Variants in PHKB observed in about 807,000 individuals in gnomAD.
The protein encoded by PHKB is phosphorylase kinase regulatory subunit beta, also known as phosphorylase b kinase regulatory subunit beta.
A neutral mutation model predicts 152.1 loss-of-function variants in PHKB; 122 were observed. The observed-to-expected ratio is 0.80, with a 90% CI of 0.69 to 0.93. The LOEUF is 0.93. Among genes scored for constraint, PHKB ranks in the 40% least tolerant of loss-of-function variants. The pLI is 0.00. For missense variants in PHKB, 1,304 were observed against 1,328.4 expected (o/e 0.98, Z 0.29); for synonymous variants, 436 against 464.9 (o/e 0.94, Z 0.80).
chr16:47,661,262 C>T (rs1973438738), intron 22 of PHKB, among the ~76,000 whole-genome samples: 1 of 152,076 alleles, frequency 6.6e-6, no homozygotes, highest in Non-Finnish European at 1.5e-5. Context: ...ATGTAATAAA[C>T]ACTCTAAACA....
At chr16:47,575,905 T>C (rs543934480) in intron 7 of PHKB, among the ~76,000 whole-genome samples, 79 of 152,144 alleles carry the variant, frequency 5.2e-4, no homozygotes, top group African/African-American at 1.9e-3. Flanking sequence ...GAAGAAACCC[T>C]GTCTCTACTA....
intron 7 of PHKB, 120 bp downstream of exon 7, chr16:47,547,668 T>G: frequency 1.5e-6 from 1 of 686,526 alleles, no homozygotes; most frequent in East Asian, 2.8e-5. Flanking sequence ...GCAATTTTTT[T>G]CTACCTATGA....
chr16:47,502,930 A>G (rs1970346482), intron 3 of PHKB, 61 bp from the exon 4 acceptor site: 1 of 1,057,092 alleles, frequency 9.5e-7, no homozygotes, highest in Non-Finnish European at 1.5e-6. Flanking sequence ...AATTATCAAA[A>G]GCTCTGCTTC....
At position 47,650,632 on chromosome 16, in the gene PHKB, T is replaced by C; in HGVS notation, c.1880+6T>C. 6.3e-7 allele frequency: 1 copy of C among 1,585,124 alleles called. No homozygotes were observed. The highest frequency in any genetic ancestry group is 8.7e-7 in the Non-Finnish European group (1 of 1,153,742). ...ATCCGGGAAGACAATATAAGGTAGG[T>C]TGATAAAAGAAGTAAGGTACGTGTG... On this transcript the variant is annotated splice_donor_region_variant and intron_variant, in intron 19 of 30. Coordinates refer to ENST00000323584, the MANE Select transcript of PHKB (RefSeq NM_000293.3).
intron 14 of PHKB, among the ~76,000 whole-genome samples, chr16:47,638,265 C>T (rs1391854912): frequency 6.6e-6 from 1 of 151,980 alleles, no homozygotes; most frequent in Non-Finnish European, 1.5e-5. Context: ...ATGGTGGAAG[C>T]CAATGGGATC....
In PHKB at chr16:47,693,415, A is replaced by G; in HGVS notation, c.2803A>G (p.Asn935Asp). The change falls in exon 28 of 31, where the codon AAT becomes GAT. Residue 935 changes from asparagine (N) to aspartate (D), a missense_variant. Asn to Asp is a conservative substitution (Grantham distance 23). Coordinates refer to ENST00000323584, the MANE Select transcript of PHKB (RefSeq NM_000293.3). ...CAGGCGTCAGATCGATGGGTCTTTG[A>G]ATAGAACTCCCACCGGGTTCTATGA... ...LNRRQIDGSL[N>D]RTPTGFYDRV... 1.2e-6 allele frequency: 2 copies of G among 1,613,860 alleles called. No individual in the cohort carries two copies. Among genetic ancestry groups the G allele is most frequent in the Non-Finnish European group, 1.7e-6 (2 of 1,179,830 alleles).
chr16:47,512,312 C>T (rs1232652056), intron 5 of PHKB, among the ~76,000 whole-genome samples: 1 of 152,042 alleles, frequency 6.6e-6, no homozygotes, highest in African/African-American at 2.4e-5. Flanking sequence ...ACATGAAATC[C>T]GAGTGAATTC....
chr16:47,669,488 A>T, intron 26 of PHKB, 71 bp downstream of exon 26: 1 of 1,349,398 alleles, frequency 7.4e-7, no homozygotes, highest in Middle Eastern at 1.8e-4. Context: ...CGGCCTCTCC[A>T]AGTGAAGCAA....
chr16:47,584,101 A>G (rs986729761), intron 8 of PHKB, among the ~76,000 whole-genome samples: 1 of 151,994 alleles, frequency 6.6e-6, no homozygotes, highest in Non-Finnish European at 1.5e-5. Flanking sequence ...CTATTTTCCA[A>G]ATTTATTTTT....
chr16:47,540,162 G>A (rs1197102312), intron 6 of PHKB, among the ~76,000 whole-genome samples: 3 of 152,064 alleles, frequency 2.0e-5, no homozygotes, highest in Non-Finnish European at 2.9e-5. Context: ...CTGTGGGAGT[G>A]TCTGTCTTAT....
chr16:47,642,616 T>A (rs1973044723), intron 16 of PHKB, among the ~76,000 whole-genome samples: 1 of 152,182 alleles, frequency 6.6e-6, no homozygotes, highest in Non-Finnish European at 1.5e-5. Flanking sequence ...AAAGTCTTGT[T>A]GCTATAACAG....
intron 14 of PHKB, among the ~76,000 whole-genome samples, chr16:47,625,210 A>G (rs1323122306): frequency 1.3e-5 from 2 of 152,240 alleles, no homozygotes; most frequent in Non-Finnish European, 2.9e-5. Flanking sequence ...TCATCTCTAT[A>G]TGGCAGCAAG....
chr16:47,691,237 T>C (rs1388635108), intron 27 of PHKB, among the ~76,000 whole-genome samples: 2 of 152,158 alleles, frequency 1.3e-5, no homozygotes, highest in Non-Finnish European at 2.9e-5. Context: ...AAGAAACTGC[T>C]AGAGGAGCCT....
rs115777990 is a variant in PHKB at position 47,492,824 on chromosome 16, C to T, written c.77-4575C>T. ...AAAAATAGATTTGGTTTGCATCTCACTCACCCTTTCTTAAGCCCCACGTTG... is the reference window on the plus strand; with the variant it reads ...AAAAATAGATTTGGTTTGCATCTCATTCACCCTTTCTTAAGCCCCACGTTG... On this transcript the variant is annotated intron_variant, in intron 1 of 30. Coordinates refer to ENST00000323584, the MANE Select transcript of PHKB (RefSeq NM_000293.3). 3.6e-3 allele frequency among the ~76,000 whole-genome samples: 553 copies of T among 152,320 alleles called. 5 individuals are homozygous for T. The highest frequency in any genetic ancestry group is 0.013 in the African/African-American group (522 of 41,580).
At chr16:47,617,767 G>A (rs1392786377) in intron 14 of PHKB, among the ~76,000 whole-genome samples, 2 of 152,186 alleles carry the variant, frequency 1.3e-5, no homozygotes, top group African/African-American at 2.4e-5. Context: ...TGACGGAAAT[G>A]TGATGGGAGT....
chr16:47,589,987 T>C (rs1326192898), intron 10 of PHKB, among the ~76,000 whole-genome samples: 1 of 152,162 alleles, frequency 6.6e-6, no homozygotes, highest in Non-Finnish European at 1.5e-5. Context: ...AGATGGGGTT[T>C]CACCATGTTG....
intron 6 of PHKB, among the ~76,000 whole-genome samples, chr16:47,530,132 C>CTTTTTT (rs201960518): frequency 3.1e-5 from 4 of 129,746 alleles, no homozygotes; most frequent in African/African-American, 8.4e-5. Flanking sequence ...ATATAAACTC[C>CTTTTTT]TTTTTTTTTT....
intron 7 of PHKB, among the ~76,000 whole-genome samples, chr16:47,550,549 C>A (rs1270255584): frequency 6.6e-6 from 1 of 152,206 alleles, no homozygotes; most frequent in Non-Finnish European, 1.5e-5. Flanking sequence ...AGAGAGAAAA[C>A]AGAGCATAAT....
rs1974033188 is a variant in PHKB at position 47,690,041 on chromosome 16, A to G, written c.2765+866A>G. 5.9e-5 allele frequency among the ~76,000 whole-genome samples: 9 copies of G among 152,238 alleles called. 1 individual carries two copies. The South Asian group carries it at 1.4e-3, about 24-fold the overall frequency. On this transcript the variant is annotated intron_variant, in intron 27 of 30. Transcript: ENST00000323584. ...GCCCTGCTAGACATTAAAACATACT[A>G]TAAAGCCTCTGTAATTAAAACAGTG...
Sources: gnomAD v4.1 joint callset for allele counts (sites outside exome capture counted in the v4.1 genomes callset) on GRCh38, gnomAD v4.1.1 for gene constraint, MANE v1.5 for transcripts, NCBI Gene and HGNC (gene_info 2026-07-23, HGNC 2026-07-21) for gene names.